IPCEF1: variants seen among roughly 807,000 people sequenced by gnomAD.
The protein encoded by IPCEF1 is interaction protein for cytohesin exchange factors 1, also known as interactor protein for cytohesin exchange factors 1.
A neutral mutation model predicts 50.9 loss-of-function variants in IPCEF1; 31 were observed. That is an observed-to-expected ratio of 0.61 (90% CI 0.46 to 0.82). IPCEF1 has a LOEUF of 0.82. Among genes scored for constraint, IPCEF1 ranks in the 40% least tolerant of loss-of-function variants. The pLI, the probability that IPCEF1 is intolerant of heterozygous loss-of-function variation, is 0.00. For missense variants in IPCEF1, 458 were observed against 514.0 expected (o/e 0.89, Z 1.05); for synonymous variants, 181 against 192.0 (o/e 0.94, Z 0.47).
chr6:154,188,297 G>A (rs1033655623), intron 10 of IPCEF1, among the ~76,000 whole-genome samples: 10 of 152,146 alleles, frequency 6.6e-5, no homozygotes, highest in Admixed American at 5.9e-4. Flanking sequence ...TAACAAATAT[G>A]TTCAAGACTT....
At chr6:154,250,359 T>C (rs1013470819) in intron 3 of IPCEF1, among the ~76,000 whole-genome samples, 7 of 152,230 alleles carry the variant, frequency 4.6e-5, no homozygotes, top group African/African-American at 1.4e-4. Flanking sequence ...CCTAGTAAGA[T>C]ATTTTCTCAT....
At chr6:154,331,405 A>AAGAAAGAGAGAG (rs60403800) in intron 1 of IPCEF1, among the ~76,000 whole-genome samples, 9 of 93,016 alleles carry the variant, frequency 9.7e-5, no homozygotes, top group Non-Finnish European at 1.3e-4. Context: ...GAAAGAAAGA[A>AAGAAAGAGAGAG]AGAGAGAGAA....
Position 154,199,846 on chromosome 6 carries a change from T to C in IPCEF1, c.732A>G (p.Gln244=), listed in dbSNP as rs140046520. Residue 244 remains glutamine, a synonymous_variant, in exon 10 of 12, where the codon CAA becomes CAG. Transcript: ENST00000367220. The stretch of plus-strand genomic sequence containing the variant: ...CCTCTGAGGGTACAGGTGAATGAAC[T>C]TGCACAGCAAACGTTATTGGTTGTC... ...DEGQPITFAV[Q]VHSPVPSEAG... is the part of the protein sequence containing the mutation. The C allele has an allele frequency of 5.6e-5, 91 of 1,614,068 alleles. No individual in the cohort carries two copies. The highest frequency in any genetic ancestry group is 5.0e-5 in the Admixed American group (3 of 60,000).
At chr6:154,293,775 T>C (rs1218864222) in intron 1 of IPCEF1, among the ~76,000 whole-genome samples, 2 of 152,252 alleles carry the variant, frequency 1.3e-5, no homozygotes, top group Non-Finnish European at 2.9e-5. Context: ...ATTATTCTTA[T>C]TCTTCATTTG....
intron 10 of IPCEF1, among the ~76,000 whole-genome samples, chr6:154,182,808 A>C (rs1801004813): frequency 6.6e-6 from 1 of 152,138 alleles, no homozygotes; most frequent in South Asian, 2.1e-4. Flanking sequence ...TGGATCCATG[A>C]TGGGGACAAG....
chr6:154,243,119 G>A (rs750372356), intron 5 of IPCEF1, among the ~76,000 whole-genome samples: 2 of 152,144 alleles, frequency 1.3e-5, no homozygotes, highest in Admixed American at 6.5e-5. Flanking sequence ...GCCAGCCCAC[G>A]TGCTAACAGG....
intron 5 of IPCEF1, among the ~76,000 whole-genome samples, chr6:154,238,201 T>C (rs1780292106): frequency 6.6e-6 from 1 of 152,212 alleles, no homozygotes; most frequent in Admixed American, 6.5e-5. Flanking sequence ...AACAAATGCT[T>C]GGAAACACAT....
chr6:154,330,707 C>T (rs1316293016), intron 1 of IPCEF1, among the ~76,000 whole-genome samples: 1 of 152,168 alleles, frequency 6.6e-6, no homozygotes, highest in Non-Finnish European at 1.5e-5. Context: ...TCTTACAGCA[C>T]CCCTCACAAG....
chr6:154,315,039 AC>A (rs1783179739), intron 1 of IPCEF1, among the ~76,000 whole-genome samples: 2 of 152,194 alleles, frequency 1.3e-5, no homozygotes, highest in South Asian at 4.1e-4. Context: ...TGCTACCACG[AC>A]CAGCTAACTT....
intron 10 of IPCEF1, among the ~76,000 whole-genome samples, chr6:154,176,372 G>T (rs1800330895): frequency 6.6e-6 from 1 of 152,194 alleles, no homozygotes; most frequent in Non-Finnish European, 1.5e-5. Context: ...AGGAAAAGAG[G>T]AGGTCAAATT....
intron 5 of IPCEF1, among the ~76,000 whole-genome samples, chr6:154,242,666 C>T (rs1253875527): frequency 6.6e-6 from 1 of 152,146 alleles, no homozygotes; most frequent in African/African-American, 2.4e-5. Flanking sequence ...GCAGGTGGAT[C>T]ACTTGAGGTC....
intron 1 of IPCEF1, among the ~76,000 whole-genome samples, chr6:154,303,709 T>G: frequency 6.6e-6 from 1 of 151,904 alleles, no homozygotes; most frequent in East Asian, 1.9e-4. Flanking sequence ...ATTGCTTGAG[T>G]CCAGGAGTTC....
chr6:154,241,395 T>G (rs1394780327), intron 5 of IPCEF1, among the ~76,000 whole-genome samples: 1 of 152,046 alleles, frequency 6.6e-6, no homozygotes, highest in Non-Finnish European at 1.5e-5. Flanking sequence ...TCTAATAATT[T>G]TATACAAAGA....
At chr6:154,180,414 A>ATATATTTTTTT (rs1241250621) in intron 10 of IPCEF1, among the ~76,000 whole-genome samples, 135 of 65,168 alleles carry the variant, frequency 2.1e-3, no homozygotes, top group African/African-American at 6.1e-3. Context: ...ATATATATAT[A>ATATATTTTTTT]TTTTTTTTTT....
At chr6:154,240,241 A>G (rs1780473110) in intron 5 of IPCEF1, among the ~76,000 whole-genome samples, 2 of 152,268 alleles carry the variant, frequency 1.3e-5, no homozygotes, top group Admixed American at 6.5e-5. Context: ...ATACTGGTAC[A>G]TGCTCTGTAC....
At chr6:154,282,504 A>G (rs554922737) in intron 2 of IPCEF1, among the ~76,000 whole-genome samples, 4 of 152,052 alleles carry the variant, frequency 2.6e-5, no homozygotes, top group East Asian at 1.9e-4. Context: ...AACACGGTGA[A>G]ACCCTATCTC....
chr6:154,268,930 T>C (rs1420309032), intron 2 of IPCEF1, among the ~76,000 whole-genome samples: 1 of 152,166 alleles, frequency 6.6e-6, no homozygotes, highest in Non-Finnish European at 1.5e-5. Context: ...TCGATCCCCT[T>C]TTATAGCCTC....
At chr6:154,269,806 G>A (rs1781857849) in intron 2 of IPCEF1, among the ~76,000 whole-genome samples, 1 of 152,196 alleles carries the variant, frequency 6.6e-6, no homozygotes, top group Non-Finnish European at 1.5e-5. Context: ...GAAAAGAAAT[G>A]AGGGCTATGG....
intron 2 of IPCEF1, among the ~76,000 whole-genome samples, chr6:154,277,753 CAT>C (rs1167575553): frequency 6.6e-6 from 1 of 152,196 alleles, no homozygotes; most frequent in East Asian, 1.9e-4. Flanking sequence ...TCCCTGAACA[CAT>C]GTGGGCTTAT....
Sources: allele counts gnomAD v4.1 joint callset (sites outside exome capture counted in the v4.1 genomes callset), GRCh38; gene constraint gnomAD v4.1.1; transcripts MANE v1.5; gene names NCBI Gene and HGNC (gene_info 2026-07-23, HGNC 2026-07-21).